The following SHISA9 variants were observed in gnomAD, a reference collection of about 807,000 sequenced individuals.
SHISA9 encodes shisa family member 9, also known as protein shisa-9.
SHISA9 carries 13 observed loss-of-function variants against 38.0 expected under a neutral mutation model. The observed-to-expected ratio is 0.34, with a 90% CI of 0.22 to 0.54. The LOEUF is 0.54. Among genes scored for constraint, SHISA9 ranks in the 20% least tolerant of loss-of-function variants. SHISA9 has a pLI of 0.91. For missense variants in SHISA9, 538 were observed against 575.8 expected, an observed-to-expected ratio of 0.93 and a Z score of 0.67; for synonymous variants, 275 against 242.0, an observed-to-expected ratio of 1.14 and a Z score of -1.27.
the SHISA9 span, among the ~76,000 whole-genome samples, chr16:13,399,129 C>G: frequency 9.2e-5 from 14 of 152,100 alleles, no homozygotes; most frequent in Middle Eastern, 3.4e-3. Flanking sequence ...GTGGTGCGTA[C>G]CTGTGGTCCC....
In SHISA9 at chr16:13,019,878, C is replaced by T. The variant is rs1206645174; in HGVS notation, c.691+103063C>T. The stretch of plus-strand genomic sequence containing the variant: ...TCCCTCCCTCCCTCCCTCCCTCCCT[C>T]CCTCCCTTCTTTCTTTCTTTCTTTC... On this transcript the variant is annotated intron_variant, in intron 2 of 4. Coordinates refer to ENST00000558583, the MANE Select transcript of SHISA9 (RefSeq NM_001145204.3). 2.0e-3 allele frequency among the ~76,000 whole-genome samples: 63 copies of T among 32,024 alleles called. 5 individuals are homozygous for T. The highest frequency in any genetic ancestry group is 6.7e-3 in the African/African-American group (55 of 8,156). The allele number at this position is 32,024 out of a possible 152,430, so 21.0% of individuals were successfully genotyped here.
At chr16:13,333,952 A>C in the SHISA9 span, among the ~76,000 whole-genome samples, 1,708 of 152,286 alleles carry the variant, frequency 0.011, 21 homozygotes, top group South Asian at 0.018. Flanking sequence ...CTCTGTTGTA[A>C]CTACAGCCAC....
chr16:13,460,593 C>T, the SHISA9 span, among the ~76,000 whole-genome samples: 1 of 152,148 alleles, frequency 6.6e-6, no homozygotes, highest in Non-Finnish European at 1.5e-5. Context: ...GTGCCTGTCA[C>T]ATATGGATGG....
intron 2 of SHISA9, among the ~76,000 whole-genome samples, chr16:13,026,177 G>C (rs2072919564): frequency 6.6e-6 from 1 of 152,156 alleles, no homozygotes; most frequent in South Asian, 2.1e-4. Context: ...TTTCTAGAAT[G>C]TATCCATCTT....
In SHISA9 at chr16:13,238,620, T is replaced by C. The variant is rs1418165657; in HGVS notation, c.*3211T>C. 2 of 152,202 alleles carry C rather than the reference T, an allele frequency of 1.3e-5. No homozygotes were observed. The highest frequency in any genetic ancestry group is 1.9e-4 in the East Asian group (1 of 5,164). 9.4% of individuals were successfully genotyped at this position (152,202 alleles called of 1,614,324 possible). On this transcript the variant is annotated 3_prime_UTR_variant, in exon 5 of 5. Transcript: ENST00000558583. ...TAATTTTGGCAGCAAAGGTGCAGAC[T>C]GGTCATTAAGATGTAGCCACAATGA...
chr16:13,230,714 G>A (rs1304490353), intron 4 of SHISA9, among the ~76,000 whole-genome samples: 1 of 152,200 alleles, frequency 6.6e-6, no homozygotes, highest in Non-Finnish European at 1.5e-5. Context: ...TTAATAAGAA[G>A]TAGAGGAATA....
intron 4 of SHISA9, among the ~76,000 whole-genome samples, chr16:13,220,476 C>G (rs1374915574): frequency 6.6e-6 from 1 of 152,172 alleles, no homozygotes; most frequent in African/African-American, 2.4e-5. Context: ...ATGCATTAAT[C>G]TAACATAGGA....
chr16:13,099,496 A>G (rs2073858145), intron 2 of SHISA9, among the ~76,000 whole-genome samples: 1 of 152,128 alleles, frequency 6.6e-6, no homozygotes, highest in African/African-American at 2.4e-5. Flanking sequence ...TTCTGGGCCA[A>G]CATCACTAAG....
At chr16:13,003,820 T>C (rs1179790282) in intron 2 of SHISA9, among the ~76,000 whole-genome samples, 1 of 151,988 alleles carries the variant, frequency 6.6e-6, no homozygotes, top group Non-Finnish European at 1.5e-5. Context: ...ATCGCGCCAC[T>C]GCACTCCAAC....
At chr16:13,012,837 A>G (rs531040072) in intron 2 of SHISA9, among the ~76,000 whole-genome samples, 1 of 152,228 alleles carries the variant, frequency 6.6e-6, no homozygotes, top group African/African-American at 2.4e-5. Context: ...TGTGTCTCCA[A>G]CAGTCAGCCA....
At chr16:12,953,999 A>G (rs940011958) in intron 2 of SHISA9, among the ~76,000 whole-genome samples, 5 of 152,066 alleles carry the variant, frequency 3.3e-5, no homozygotes, top group African/African-American at 4.8e-5. Flanking sequence ...TCCCTGCCTC[A>G]ACCTGTGGGG....
intron 2 of SHISA9, among the ~76,000 whole-genome samples, chr16:13,010,473 T>C (rs1344634902): frequency 6.6e-6 from 1 of 152,202 alleles, no homozygotes; most frequent in Non-Finnish European, 1.5e-5. Context: ...ATACTTGACA[T>C]GTTGAATCAT....
intron 2 of SHISA9, among the ~76,000 whole-genome samples, chr16:13,122,844 T>A (rs1221326588): frequency 6.6e-6 from 1 of 152,158 alleles, no homozygotes; most frequent in African/African-American, 2.4e-5. Flanking sequence ...GTCAGGAGTT[T>A]GAGACAAGCC....
At chr16:13,396,623 G>A in the SHISA9 span, among the ~76,000 whole-genome samples, 3 of 152,216 alleles carry the variant, frequency 2.0e-5, no homozygotes, top group Non-Finnish European at 4.4e-5. Flanking sequence ...TCAGTGAGCA[G>A]AAATCTGGCA....
chr16:13,264,844 G>A, the SHISA9 span, among the ~76,000 whole-genome samples: 26 of 152,148 alleles, frequency 1.7e-4, no homozygotes, highest in African/African-American at 5.8e-4. Flanking sequence ...AATAAATAAT[G>A]TCAAGAAAGT....
rs71395104 is a variant in SHISA9, at chr16:13,190,081, CTT to C, written c.692-13300_692-13299del. Among the ~76,000 whole-genome samples, 1,219 of 144,934 alleles carry C rather than the reference CTT, an allele frequency of 8.4e-3. 8 individuals are homozygous for C. The highest frequency in any genetic ancestry group is 0.014 in the East Asian group (67 of 4,884). ...CTGTGGGCATAAAACACCCTTTAGT[CTT>C]TTTTTTTTTTTTATGCTTTAAGTTT... On this transcript the variant is annotated intron_variant, in intron 2 of 4. Coordinates refer to ENST00000558583, the MANE Select transcript of SHISA9 (RefSeq NM_001145204.3).
At chr16:12,928,151 C>T (rs1238454329) in intron 2 of SHISA9, among the ~76,000 whole-genome samples, 1 of 144,526 alleles carries the variant, frequency 6.9e-6, no homozygotes, top group Non-Finnish European at 1.5e-5. Flanking sequence ...ACTAATTCCA[C>T]TGTCCTTACT....
the SHISA9 span, among the ~76,000 whole-genome samples, chr16:13,257,048 A>C: frequency 6.6e-6 from 1 of 152,218 alleles, no homozygotes; most frequent in Non-Finnish European, 1.5e-5. Flanking sequence ...AAATTATGTC[A>C]GGGTACAAAC....
the SHISA9 span, among the ~76,000 whole-genome samples, chr16:13,371,307 C>A: frequency 3.9e-5 from 6 of 152,296 alleles, no homozygotes; most frequent in East Asian, 9.7e-4. Flanking sequence ...CCAGATGTCC[C>A]TGCTCACCCC....
Sources: allele counts gnomAD v4.1 joint callset (sites outside exome capture counted in the v4.1 genomes callset), GRCh38; gene constraint gnomAD v4.1.1; transcripts MANE v1.5; gene names NCBI Gene and HGNC (gene_info 2026-07-23, HGNC 2026-07-21).